TTLL7: variants seen among roughly 807,000 people sequenced by gnomAD.
TTLL7 encodes tubulin tyrosine ligase like 7.
In TTLL7, 53 loss-of-function variants were observed where a neutral mutation model predicts 120.2. The ratio of observed to expected loss-of-function variants is 0.44; its 90% CI spans 0.35 to 0.55. The LOEUF is 0.55. Ranked by LOEUF, TTLL7 falls within the 20% of genes least tolerant of loss-of-function variation. TTLL7 has a pLI of 0.00. For synonymous variants in TTLL7, 353 were observed against 351.7 expected, an observed-to-expected ratio of 1.00 and a Z score of -0.04; for missense variants, 803 against 1,054.7, an observed-to-expected ratio of 0.76 and a Z score of 3.31.
At chr1:83,952,018 A>G in intron 2 of TTLL7, 42 bp from the exon 3 acceptor site, 1 of 1,585,284 alleles carries the variant, frequency 6.3e-7, no homozygotes, top group South Asian at 1.2e-5. Flanking sequence ...CTGAAAACAA[A>G]AATCTATACC....
intron 1 of TTLL7, among the ~76,000 whole-genome samples, chr1:83,994,666 G>A (rs1447712891): frequency 6.6e-6 from 1 of 152,166 alleles, no homozygotes; most frequent in Non-Finnish European, 1.5e-5. Context: ...CAAATGTACA[G>A]GGGAGGCAGG....
Position 83,869,842 on chromosome 1 carries a change from CAT to C in TTLL7, c.*118_*119del, listed in dbSNP as rs1205805926. 8 of 1,034,052 alleles carry C rather than the reference CAT, an allele frequency of 7.7e-6. No homozygotes were observed. Among genetic ancestry groups the C allele is most frequent in the Admixed American group, 6.2e-5 (2 of 32,074 alleles). 64.1% of individuals were successfully genotyped at this position (1,034,052 alleles called of 1,614,324 possible). A position where few individuals can be genotyped will look rare whatever the true frequency, so the allele number is the denominator to read the frequency against. ...GTGCATATGTGCATATATTTTCACA[CAT>C]ATATATGTCTTATATACATAAAACA... On this transcript the variant is annotated 3_prime_UTR_variant, in exon 21 of 21. Coordinates refer to ENST00000260505, the MANE Select transcript of TTLL7 (RefSeq NM_024686.6).
intron 14 of TTLL7, among the ~76,000 whole-genome samples, chr1:83,915,314 A>T (rs1658048059): frequency 6.6e-6 from 1 of 152,228 alleles, no homozygotes; most frequent in Non-Finnish European, 1.5e-5. Flanking sequence ...ATGGAACAGA[A>T]CAGAGCCCTC....
At position 83,933,712 on chromosome 1, in the gene TTLL7, G is replaced by T. The variant is rs764916974; in HGVS notation, c.943C>A (p.Arg315=). The T allele has an allele frequency of 1.2e-6, 2 of 1,613,440 alleles. No homozygotes were observed. Among genetic ancestry groups the T allele is most frequent in the Admixed American group, 1.7e-5 (1 of 59,972 alleles). The change falls in exon 9 of 21, where the codon CGA becomes AGA. Residue 315 remains arginine, a synonymous_variant. Transcript: ENST00000260505. ...VAEPHVLHAY[R]MCRPGQPPGS... ...GGAGGTTGACCAGGTCTACACATTC[G>T]ATAGGCATGCAGGACATGAGGTTCT...
intron 20 of TTLL7, among the ~76,000 whole-genome samples, chr1:83,879,070 T>C (rs1036237416): frequency 6.6e-6 from 1 of 152,004 alleles, no homozygotes; most frequent in African/African-American, 2.4e-5. Flanking sequence ...TACATTTATT[T>C]ATAAATGCTA....
chr1:83,955,459 T>C (rs1279874718), intron 1 of TTLL7, among the ~76,000 whole-genome samples: 1 of 152,118 alleles, frequency 6.6e-6, no homozygotes, highest in Non-Finnish European at 1.5e-5. Context: ...GGAAGGACTT[T>C]ATAATCAAGG....
At chr1:83,939,139 A>C (rs1647693842) in intron 7 of TTLL7, among the ~76,000 whole-genome samples, 1 of 152,208 alleles carries the variant, frequency 6.6e-6, no homozygotes. Flanking sequence ...CAACAAAATA[A>C]ACAACAGTCT....
At chr1:83,915,183 A>G (rs1658033558) in intron 14 of TTLL7, among the ~76,000 whole-genome samples, 1 of 152,174 alleles carries the variant, frequency 6.6e-6, no homozygotes, top group African/African-American at 2.4e-5. Context: ...GAAGCATGGA[A>G]AAGCATGAAA....
Position 83,999,059 on chromosome 1 carries a change from C to T in TTLL7, c.-305G>A, listed in dbSNP as rs369080572. 4.5e-6 allele frequency: 2 copies of T among 447,282 alleles called. No homozygotes were observed. The highest frequency in any genetic ancestry group is 1.6e-5 in the South Asian group (1 of 63,040). The allele number at this position is 447,282 out of a possible 1,614,324, so 27.7% of individuals were successfully genotyped here. A position where few individuals can be genotyped will look rare whatever the true frequency, so the allele number is the denominator to read the frequency against. On this transcript the variant is annotated 5_prime_UTR_variant, in exon 1 of 21. Coordinates refer to ENST00000260505, the MANE Select transcript of TTLL7 (RefSeq NM_024686.6). ...GGCAGCCTGCACTGGTGGTCCGGTG[C>T]TCTCCTCCGCCCGCCCACCGCCCGT...
chr1:83,869,157 G>A lies in TTLL7; in HGVS notation c.*805C>T, dbSNP rs1274940323. On this transcript the variant is annotated 3_prime_UTR_variant, in exon 21 of 21. Transcript: ENST00000260505. ...CGCCCAGCTAATTTTTGTATTTTTA[G>A]TAGAGATGGGGTTTCACCATGTTGG... The A allele has an allele frequency of 6.6e-6, 1 of 151,948 alleles. No individual in the cohort carries two copies. The highest frequency in any genetic ancestry group is 1.5e-5 in the Non-Finnish European group (1 of 68,014). 9.4% of individuals were successfully genotyped at this position (151,948 alleles called of 1,614,324 possible).
At chr1:83,873,915 T>C (rs564276958) in intron 20 of TTLL7, among the ~76,000 whole-genome samples, 3 of 152,098 alleles carry the variant, frequency 2.0e-5, no homozygotes, top group Non-Finnish European at 4.4e-5. Context: ...TCAGGATAAA[T>C]AAAGCTCATC....
Position 83,937,713 on chromosome 1 carries a change from A to T in TTLL7, c.888+139T>A, listed in dbSNP as rs1174841550. On this transcript the variant is annotated intron_variant, in intron 8 of 20. Coordinates refer to ENST00000260505, the MANE Select transcript of TTLL7 (RefSeq NM_024686.6). ...TTAGGCAGCGTGTGGCTGTGTAATG[A>T]TCTGATTTTTTTCTCTCTGGTCCTC... 62 of 889,070 alleles carry T rather than the reference A, an allele frequency of 7.0e-5. No individual in the cohort carries two copies. The East Asian group carries it at 1.5e-3, about 22-fold the overall frequency. The allele number at this position is 889,070 out of a possible 1,614,324, so 55.1% of individuals were successfully genotyped here. A position where few individuals can be genotyped will look rare whatever the true frequency, so the allele number is the denominator to read the frequency against.
intron 19 of TTLL7, among the ~76,000 whole-genome samples, chr1:83,889,595 A>AC (rs1260452825): frequency 6.6e-6 from 1 of 152,068 alleles, no homozygotes; most frequent in Non-Finnish European, 1.5e-5. Context: ...ATGAGGATTA[A>AC]ATCACTTAAC....
At chr1:83,911,045 G>A in intron 15 of TTLL7, 120 bp downstream of exon 15, 3 of 759,886 alleles carry the variant, frequency 3.9e-6, no homozygotes, top group Non-Finnish European at 6.5e-6. Context: ...GAAGTGGGAT[G>A]GAATCCAGGT....
At chr1:83,939,628 G>C (rs981802895) in intron 7 of TTLL7, among the ~76,000 whole-genome samples, 1 of 152,162 alleles carries the variant, frequency 6.6e-6, no homozygotes, top group Non-Finnish European at 1.5e-5. Context: ...GTTTTTCAGC[G>C]TGTAGGCTTG....
At chr1:83,948,581 T>C in intron 5 of TTLL7, 47 bp downstream of exon 5, 1 of 1,215,202 alleles carries the variant, frequency 8.2e-7, no homozygotes, top group Non-Finnish European at 1.2e-6. Flanking sequence ...GTAGTTATGG[T>C]ATAAATTTTG....
intron 10 of TTLL7, 61 bp from the exon 11 acceptor site, chr1:83,921,455 TGAG>T (rs1221475972): frequency 1.9e-6 from 3 of 1,568,596 alleles, no homozygotes; most frequent in African/African-American, 2.8e-5. Context: ...CTTATCCCTG[TGAG>T]GAGAATTTGC....
At position 83,890,223 on chromosome 1, in the gene TTLL7, T is replaced by C. The variant is rs1365346894; in HGVS notation, c.2369+98A>G. ...CATTACATGCAGTAAAAGAAATCCA[T>C]ATTTTAAAAGATCATTCAAGCATTT... On this transcript the variant is annotated intron_variant, in intron 19 of 20. Transcript: ENST00000260505. 7.0e-5 allele frequency: 87 copies of C among 1,240,944 alleles called. No individual in the cohort carries two copies. In the South Asian group the frequency reaches 1.2e-3, roughly 17 times the overall value. 76.9% of individuals were successfully genotyped at this position (1,240,944 alleles called of 1,614,324 possible).
chr1:83,952,006 C>T (rs1557721973), intron 2 of TTLL7, 30 bp from the exon 3 acceptor site: 1 of 1,591,864 alleles, frequency 6.3e-7, no homozygotes, highest in Non-Finnish European at 8.5e-7. Context: ...AATCAGATAA[C>T]ACTGAAAACA....
Sources: gnomAD v4.1 joint callset for allele counts (sites outside exome capture counted in the v4.1 genomes callset) on GRCh38, gnomAD v4.1.1 for gene constraint, MANE v1.5 for transcripts, NCBI Gene and HGNC (gene_info 2026-07-23, HGNC 2026-07-21) for gene names.